Variants in PDS5A observed in about 807,000 individuals in gnomAD.
PDS5A encodes sister chromatid cohesion protein PDS5 homolog A.
A neutral mutation model predicts 167.1 loss-of-function variants in PDS5A; 42 were observed. The observed-to-expected ratio is 0.25, with a 90% confidence interval of 0.20 to 0.33. The LOEUF is 0.33. PDS5A is among the 10% of genes least tolerant of loss of function. PDS5A has a pLI of 1.00. For synonymous variants in PDS5A, 553 were observed against 554.6 expected (o/e 1.00, Z 0.04); for missense variants, 1,033 against 1,605.9 (o/e 0.64, Z 6.10).
chr4:39,836,382 C>A (rs959778904), intron 32 of PDS5A, among the ~76,000 whole-genome samples: 10 of 152,160 alleles, frequency 6.6e-5, no homozygotes, highest in African/African-American at 2.4e-4. Flanking sequence ...CAAGAGGGCA[C>A]TTAGATGATG....
chr4:39,886,932 G>A (rs938092143), intron 17 of PDS5A, among the ~76,000 whole-genome samples: 2 of 150,454 alleles, frequency 1.3e-5, no homozygotes, highest in Admixed American at 6.6e-5. Context: ...GTTTGCTGTC[G>A]GCATACGTAG....
Position 39,851,582 on chromosome 4 carries a change from C to T in PDS5A, c.3087-1930G>A, listed in dbSNP as rs377549269. On this transcript the variant is annotated intron_variant, in intron 26 of 32. Coordinates refer to ENST00000303538, the MANE Select transcript of PDS5A (RefSeq NM_001100399.2). ...GGACTGCAGGCGTAAGCTACCACTC[C>T]TGGCTATCTAAATATTTTTTTTGAG... Among the ~76,000 whole-genome samples, 21 of 152,340 alleles carry T rather than the reference C, an allele frequency of 1.4e-4. No homozygotes were observed. The South Asian group carries it at 4.3e-3, about 32-fold the overall frequency.
chr4:39,952,157 C>T (rs1728465998), intron 2 of PDS5A, among the ~76,000 whole-genome samples: 1 of 151,838 alleles, frequency 6.6e-6, no homozygotes, highest in African/African-American at 2.4e-5. Flanking sequence ...TTGTGAAACC[C>T]TGTCTCTACT....
intron 2 of PDS5A, among the ~76,000 whole-genome samples, chr4:39,947,600 G>A (rs1172134225): frequency 1.3e-5 from 2 of 152,150 alleles, no homozygotes; most frequent in African/African-American, 4.8e-5. Flanking sequence ...ACTAATGATA[G>A]CTAATAACCT....
chr4:39,930,728 T>TGTG (rs1725982641), intron 2 of PDS5A, among the ~76,000 whole-genome samples: 1 of 152,118 alleles, frequency 6.6e-6, no homozygotes, highest in Non-Finnish European at 1.5e-5. Context: ...TCTAACATAG[T>TGTG]ATATCAAAAG....
intron 17 of PDS5A, among the ~76,000 whole-genome samples, chr4:39,889,694 T>C (rs1283926519): frequency 3.3e-5 from 5 of 152,256 alleles, no homozygotes; most frequent in South Asian, 2.1e-4. Context: ...TTACCTTTTA[T>C]ATATTACCTC....
chr4:39,902,801 C>T (rs982428724), intron 12 of PDS5A, among the ~76,000 whole-genome samples: 8 of 152,046 alleles, frequency 5.3e-5, no homozygotes, highest in Admixed American at 2.0e-4. Flanking sequence ...GGGATTACGA[C>T]GGGCATGAGG....
At chr4:39,825,850 C>G (rs1186826797) in intron 32 of PDS5A, among the ~76,000 whole-genome samples, 1 of 152,104 alleles carries the variant, frequency 6.6e-6, no homozygotes, top group Non-Finnish European at 1.5e-5. Flanking sequence ...ATCTGGGAAG[C>G]CTGCGCTTCT....
At chr4:39,836,730 T>C (rs1716444103) in intron 32 of PDS5A, among the ~76,000 whole-genome samples, 1 of 150,684 alleles carries the variant, frequency 6.6e-6, no homozygotes, top group Non-Finnish European at 1.5e-5. Flanking sequence ...TCCCAAAGTG[T>C]TGGGATTACA....
intron 32 of PDS5A, among the ~76,000 whole-genome samples, chr4:39,836,426 G>T (rs767128437): frequency 6.6e-6 from 1 of 151,950 alleles, no homozygotes; most frequent in Non-Finnish European, 1.5e-5. Flanking sequence ...TCAGAATTCC[G>T]TAAATGCTAA....
Position 39,845,840 on chromosome 4 carries a change from C to G in PDS5A, c.3380G>C (p.Arg1127Thr). 7.2e-7 allele frequency: 1 copy of G among 1,396,100 alleles called. No individual in the cohort carries two copies. Among genetic ancestry groups the G allele is most frequent in the Non-Finnish European group, 9.4e-7 (1 of 1,067,278 alleles). 86.5% of individuals were successfully genotyped at this position (1,396,100 alleles called of 1,614,324 possible). The change falls in exon 29 of 33, where the codon AGA (arginine) becomes ACA (threonine). Residue 1127 changes from arginine (R) to threonine (T), a missense_variant. By Grantham distance (71) the Arg-to-Thr change is moderately conservative (BLOSUM62 -1). Coordinates refer to ENST00000303538, the MANE Select transcript of PDS5A (RefSeq NM_001100399.2). ...NDKSYISEET[R>T]VLLLTGKPKP... ...TACCTTTCCTGTTAACAGAAGTACTCTTGTCTCTTCTGAAATATAACTCTT... is the reference window on the plus strand; with the variant it reads ...TACCTTTCCTGTTAACAGAAGTACTGTTGTCTCTTCTGAAATATAACTCTT...
intron 15 of PDS5A, 54 bp downstream of exon 15, chr4:39,898,723 C>CT: frequency 8.8e-7 from 1 of 1,135,990 alleles, no homozygotes; most frequent in Non-Finnish European, 1.3e-6. Context: ...TGGGTAAATA[C>CT]TTTGTCTGCA....
chr4:39,870,476 A>G lies in PDS5A; in HGVS notation c.2437-1014T>C, dbSNP rs141862616. 4.4e-3 allele frequency among the ~76,000 whole-genome samples: 675 copies of G among 152,174 alleles called. 6 individuals are homozygous for G. The highest frequency in any genetic ancestry group is 0.016 in the African/African-American group (653 of 41,516). ...GTGGCGTGTGCTGATAGTCCCAGCT[A>G]CTCAGGAGGCTGAGGCAGGAGATAT... On this transcript the variant is annotated intron_variant, in intron 21 of 32. Coordinates refer to ENST00000303538, the MANE Select transcript of PDS5A (RefSeq NM_001100399.2).
At chr4:39,964,907 C>T (rs1285320187) in intron 2 of PDS5A, among the ~76,000 whole-genome samples, 1 of 151,988 alleles carries the variant, frequency 6.6e-6, no homozygotes, top group Non-Finnish European at 1.5e-5. Context: ...CGTGCCACTG[C>T]ACTCCAGCCT....
intron 2 of PDS5A, among the ~76,000 whole-genome samples, chr4:39,958,753 C>T (rs1390006821): frequency 1.3e-5 from 2 of 151,726 alleles, no homozygotes; most frequent in Admixed American, 6.6e-5. Flanking sequence ...GGATTACAGG[C>T]GCACATCACC....
intron 2 of PDS5A, chr4:39,974,213 C>T (rs749676593): frequency 1.0e-3 from 581 of 571,506 alleles, no homozygotes; most frequent in Non-Finnish European, 1.8e-3. Context: ...GGGTGCCAGA[C>T]CTCATCCATT....
At chr4:39,970,596 A>G (rs188243727) in intron 2 of PDS5A, among the ~76,000 whole-genome samples, 2 of 151,938 alleles carry the variant, frequency 1.3e-5, no homozygotes, top group East Asian at 1.9e-4. Flanking sequence ...AAGCAACTAT[A>G]TAACAACCAA....
In PDS5A at chr4:39,857,550, T is replaced by C. The variant is rs191573479; in HGVS notation, c.3086+4669A>G. Among the ~76,000 whole-genome samples the C allele has an allele frequency of 7.9e-5, 12 of 152,226 alleles. No individual in the cohort carries two copies. The East Asian group carries it at 2.3e-3, about 29-fold the overall frequency. On this transcript the variant is annotated intron_variant, in intron 26 of 32. Coordinates refer to ENST00000303538, the MANE Select transcript of PDS5A (RefSeq NM_001100399.2). ...CTTCCTTTTCAGTAATTACTTTTAA[T>C]GTAAAAGGATGTAAAGATATTTCAT...
chr4:39,823,305 A>G lies in PDS5A; in HGVS notation c.*2180T>C, dbSNP rs1715014723. The G allele has an allele frequency of 6.6e-6, 1 of 152,222 alleles. No individual in the cohort carries two copies. Among genetic ancestry groups the G allele is most frequent in the African/African-American group, 2.4e-5 (1 of 41,450 alleles). The allele number at this position is 152,222 out of a possible 1,614,324, so 9.4% of individuals were successfully genotyped here. A position where few individuals can be genotyped will look rare whatever the true frequency, so the allele number is the denominator to read the frequency against. ...CTACTCTTGCTTCCCTTAGTGCCAG[A>G]CACTTGCATCATGTTACAAAATTGG... On this transcript the variant is annotated 3_prime_UTR_variant, in exon 33 of 33. Coordinates refer to ENST00000303538, the MANE Select transcript of PDS5A (RefSeq NM_001100399.2).
Sources: allele counts gnomAD v4.1 joint callset (sites outside exome capture counted in the v4.1 genomes callset), GRCh38; gene constraint gnomAD v4.1.1; transcripts MANE v1.5; gene names NCBI Gene and HGNC (gene_info 2026-07-23, HGNC 2026-07-21).